The following SCN2A variants were observed in gnomAD, a reference collection of about 807,000 sequenced individuals.
SCN2A encodes the protein sodium voltage-gated channel alpha subunit 2, also known as sodium channel protein type 2 subunit alpha.
Under a neutral mutation model 188.7 loss-of-function variants are expected in SCN2A, and 20 were observed. That is an observed-to-expected ratio of 0.11 (90% CI 0.07 to 0.15). The LOEUF (loss-of-function observed/expected upper bound fraction) is 0.15. SCN2A is among the 10% of genes least tolerant of loss of function. The probability of loss-of-function intolerance (pLI) is 1.00; values close to 1 mark genes in which losing one functional copy is unlikely to be tolerated. For missense variants in SCN2A, 1,278 were observed against 2,445.0 expected, an observed-to-expected ratio of 0.52 and a Z score of 10.07; for synonymous variants, 804 against 833.1, an observed-to-expected ratio of 0.97 and a Z score of 0.60.
At chr2:165,295,262 T>G (rs1049825168) in intron 1 of SCN2A, among the ~76,000 whole-genome samples, 1 of 152,206 alleles carries the variant, frequency 6.6e-6, no homozygotes, top group African/African-American at 2.4e-5. Context: ...CCCAGTGAAT[T>G]GACTTGGAAT....
chr2:165,314,202 A>G (rs1005683966), intron 10 of SCN2A, 94 bp downstream of exon 10: 2 of 1,271,112 alleles, frequency 1.6e-6, no homozygotes, highest in Non-Finnish European at 2.2e-6. Flanking sequence ...GACATTAGAA[A>G]TAGGTCATAT....
intron 20 of SCN2A, 40 bp downstream of exon 20, chr2:165,370,339 T>C (rs373557028): frequency 6.9e-6 from 11 of 1,600,960 alleles, no homozygotes; most frequent in Non-Finnish European, 9.4e-6. Flanking sequence ...CATTGGCATA[T>C]ATGTAATAGT....
chr2:165,243,884 C>T (rs1178331616), intron 1 of SCN2A: 1 of 151,982 alleles, frequency 6.6e-6, no homozygotes, highest in Non-Finnish European at 1.5e-5. Flanking sequence ...TAATAGTGGC[C>T]ATTGAAATAT....
chr2:165,240,659 CTGTGTGTG>C (rs35247335), intron 1 of SCN2A, among the ~76,000 whole-genome samples: 7 of 136,468 alleles, frequency 5.1e-5, no homozygotes, highest in Non-Finnish European at 7.9e-5. Flanking sequence ...GTGGAAAGAG[CTGTGTGTG>C]TGTGTGTGTG....
At position 165,297,153 on chromosome 2, in the gene SCN2A, G is replaced by A. The variant is rs576015065; in HGVS notation, c.386+18G>A. 1.5e-5 allele frequency: 21 copies of A among 1,368,236 alleles called. No individual in the cohort carries two copies. Among genetic ancestry groups the A allele is most frequent in the Middle Eastern group, 3.6e-4 (2 of 5,574 alleles). The allele number at this position is 1,368,236 out of a possible 1,614,324, so 84.8% of individuals were successfully genotyped here. A position where few individuals can be genotyped will look rare whatever the true frequency, so the allele number is the denominator to read the frequency against. On this transcript the variant is annotated intron_variant, in intron 3 of 26. Coordinates refer to ENST00000375437, the MANE Select transcript of SCN2A (RefSeq NM_001040142.2). ...GTACATTCATATCCTTTTTCAAATC[G>A]TCACTTAATATGATTTTCTTCTTTG...
chr2:165,326,526 TG>T (rs2105283648), intron 12 of SCN2A, among the ~76,000 whole-genome samples: 1 of 152,272 alleles, frequency 6.6e-6, no homozygotes, highest in Non-Finnish European at 1.5e-5. Flanking sequence ...AGAAACAATA[TG>T]TTTTGGTCTG....
At chr2:165,291,533 C>T (rs752247499) in intron 1 of SCN2A, among the ~76,000 whole-genome samples, 40 of 40,506 alleles carry the variant, frequency 9.9e-4, no homozygotes, top group Admixed American at 2.2e-3. Context: ...TCTTTCCTTC[C>T]TTCCTTCCTT....
At chr2:165,377,322 A>G (rs1471066565) in intron 22 of SCN2A, among the ~76,000 whole-genome samples, 1 of 151,988 alleles carries the variant, frequency 6.6e-6, no homozygotes, top group Non-Finnish European at 1.5e-5. Context: ...AGAGTCAAAG[A>G]TTGTTCATAT....
At chr2:165,317,529 A>G (rs1017705181) in intron 11 of SCN2A, among the ~76,000 whole-genome samples, 1 of 152,132 alleles carries the variant, frequency 6.6e-6, no homozygotes, top group Non-Finnish European at 1.5e-5. Context: ...GAAACTTCAT[A>G]TCAACTTCAT....
At chr2:165,263,548 C>A (rs902109711) in intron 1 of SCN2A, among the ~76,000 whole-genome samples, 1 of 151,996 alleles carries the variant, frequency 6.6e-6, no homozygotes. Flanking sequence ...GGCTTTATTT[C>A]TGAATCCTGT....
At chr2:165,315,128 T>G (rs565524150) in intron 10 of SCN2A, among the ~76,000 whole-genome samples, 2 of 152,192 alleles carry the variant, frequency 1.3e-5, no homozygotes, top group Non-Finnish European at 2.9e-5. Flanking sequence ...AAATAGGAAG[T>G]CTTTAATTCC....
intron 12 of SCN2A, among the ~76,000 whole-genome samples, chr2:165,324,029 C>T (rs992282630): frequency 6.6e-6 from 1 of 152,148 alleles, no homozygotes; most frequent in African/African-American, 2.4e-5. Context: ...TAAATTTATA[C>T]ATGAAGAGCC....
intron 1 of SCN2A, among the ~76,000 whole-genome samples, chr2:165,247,053 T>A (rs1559313500): frequency 6.6e-6 from 1 of 152,078 alleles, no homozygotes; most frequent in Non-Finnish European, 1.5e-5. Context: ...TGCACCCACA[T>A]AACCTGACCT....
At chr2:165,360,079 T>C (rs980484412) in intron 17 of SCN2A, among the ~76,000 whole-genome samples, 2 of 151,970 alleles carry the variant, frequency 1.3e-5, no homozygotes, top group African/African-American at 4.8e-5. Flanking sequence ...TTTCTCTTTT[T>C]TAAGTGCCAA....
rs1401541849 is a variant in SCN2A, at chr2:165,296,456, A to AT, written c.267+372dup. On this transcript the variant is annotated intron_variant, in intron 2 of 26. Coordinates refer to ENST00000375437, the MANE Select transcript of SCN2A (RefSeq NM_001040142.2). ...TAAACTAGGAGTCTATTTAAATTTTATTTTTTATATTTGCAGGAGTAGTAT... is the reference window on the plus strand; with the variant it reads ...TAAACTAGGAGTCTATTTAAATTTTATTTTTTTATATTTGCAGGAGTAGTAT... 1.9e-5 allele frequency: 5 copies of AT among 260,174 alleles called. No individual in the cohort carries two copies. In the East Asian group the frequency reaches 3.8e-4, roughly 20 times the overall value. 16.1% of individuals were successfully genotyped at this position (260,174 alleles called of 1,614,324 possible).
At chr2:165,267,488 A>G (rs1456820450) in intron 1 of SCN2A, 1 of 151,994 alleles carries the variant, frequency 6.6e-6, no homozygotes, top group African/African-American at 2.4e-5. Context: ...ATATACAAAA[A>G]TCAACTCAAA....
intron 17 of SCN2A, among the ~76,000 whole-genome samples, chr2:165,357,855 C>T (rs1439822335): frequency 6.6e-6 from 1 of 152,108 alleles, no homozygotes; most frequent in Non-Finnish European, 1.5e-5. Context: ...CACTTTTACC[C>T]AGGTTACCCA....
At chr2:165,283,971 A>G (rs1574497001) in intron 1 of SCN2A, among the ~76,000 whole-genome samples, 1 of 152,028 alleles carries the variant, frequency 6.6e-6, no homozygotes, top group East Asian at 1.9e-4. Context: ...GTGTGCCACA[A>G]TTTAGGTAGT....
chr2:165,380,941 T>A, intron 24 of SCN2A, 152 bp from the exon 25 acceptor site: 1 of 683,252 alleles, frequency 1.5e-6, no homozygotes. Context: ...TAATATGGCA[T>A]AATTTATATA....
Sources: gnomAD v4.1 joint callset for allele counts (sites outside exome capture counted in the v4.1 genomes callset) on GRCh38, gnomAD v4.1.1 for gene constraint, MANE v1.5 for transcripts, NCBI Gene and HGNC (gene_info 2026-07-23, HGNC 2026-07-21) for gene names.